The following NBAS variants were observed in gnomAD, a reference collection of about 807,000 sequenced individuals.
NBAS encodes NAG/BC035112 fusion.
A neutral mutation model predicts 302.5 loss-of-function variants in NBAS; 219 were observed. The observed-to-expected ratio is 0.72, with a 90% CI of 0.65 to 0.81. The LOEUF is 0.81. Ranked by LOEUF, NBAS falls within the 30% of genes least tolerant of loss-of-function variation. The pLI, the probability that NBAS is intolerant of heterozygous loss-of-function variation, is 0.00. For missense variants in NBAS, 2,932 were observed against 2,841.6 expected (o/e 1.03, Z -0.72); for synonymous variants, 1,118 against 1,021.6 (o/e 1.09, Z -1.80).
At chr2:15,056,584 T>C in the NBAS span, among the ~76,000 whole-genome samples, 1 of 152,200 alleles carries the variant, frequency 6.6e-6, no homozygotes, top group African/African-American at 2.4e-5. Flanking sequence ...GAAAATGCTA[T>C]GCACACATGA....
intron 42 of NBAS, 52 bp from the exon 43 acceptor site, chr2:15,277,153 G>A: frequency 1.3e-6 from 2 of 1,538,988 alleles, no homozygotes; most frequent in Non-Finnish European, 1.7e-6. Flanking sequence ...CTTTATTAAA[G>A]TGATTTTTTT....
At chr2:15,026,708 C>A in the NBAS span, among the ~76,000 whole-genome samples, 1 of 151,934 alleles carries the variant, frequency 6.6e-6, no homozygotes, top group Non-Finnish European at 1.5e-5. Context: ...TTTGGGTTTG[C>A]AGTTTTAGTT....
chr2:15,458,526 T>TC (rs1679351264), intron 21 of NBAS, among the ~76,000 whole-genome samples: 1 of 152,100 alleles, frequency 6.6e-6, no homozygotes, highest in South Asian at 2.1e-4. Flanking sequence ...CTCTCTTGCT[T>TC]CCCTCTCACC....
At chr2:15,083,562 C>T in the NBAS span, among the ~76,000 whole-genome samples, 1 of 152,112 alleles carries the variant, frequency 6.6e-6, no homozygotes, top group South Asian at 2.1e-4. Context: ...ATTTTTATTC[C>T]ATCTCAGAAT....
the NBAS span, among the ~76,000 whole-genome samples, chr2:14,864,807 G>A: frequency 6.6e-6 from 1 of 152,060 alleles, no homozygotes; most frequent in African/African-American, 2.4e-5. Context: ...TATATTCCAG[G>A]GTTGATGAAA....
the NBAS span, among the ~76,000 whole-genome samples, chr2:15,137,706 C>T: frequency 6.6e-6 from 1 of 152,142 alleles, no homozygotes; most frequent in Non-Finnish European, 1.5e-5. Context: ...ATCATCTTTG[C>T]CCAGGGAAAT....
chr2:15,342,714 T>A (rs1159258114), intron 35 of NBAS, among the ~76,000 whole-genome samples: 5 of 152,174 alleles, frequency 3.3e-5, no homozygotes, highest in African/African-American at 7.2e-5. Context: ...TTTTATATTT[T>A]AAAAAAGCAG....
At chr2:14,788,312 C>G in the NBAS span, among the ~76,000 whole-genome samples, 2 of 152,228 alleles carry the variant, frequency 1.3e-5, no homozygotes, top group Non-Finnish European at 2.9e-5. Flanking sequence ...AAGCCTTCTT[C>G]TCTCAACTCG....
At chr2:14,913,894 A>G in the NBAS span, among the ~76,000 whole-genome samples, 1 of 152,184 alleles carries the variant, frequency 6.6e-6, no homozygotes, top group Non-Finnish European at 1.5e-5. Context: ...AGCCTTATGG[A>G]AATAGCCAGA....
chr2:15,148,417 T>C, the NBAS span, among the ~76,000 whole-genome samples: 2 of 152,076 alleles, frequency 1.3e-5, no homozygotes, highest in Non-Finnish European at 2.9e-5. Flanking sequence ...GTCTGGGATG[T>C]CAAGAAAAGC....
chr2:15,366,305 T>C (rs1674194800), intron 32 of NBAS, among the ~76,000 whole-genome samples: 1 of 152,206 alleles, frequency 6.6e-6, no homozygotes, highest in Non-Finnish European at 1.5e-5. Context: ...GTTTAAGTAA[T>C]AGATAGTTCC....
the NBAS span, among the ~76,000 whole-genome samples, chr2:14,900,323 A>G: frequency 6.6e-6 from 1 of 152,200 alleles, no homozygotes; most frequent in Admixed American, 6.5e-5. Flanking sequence ...CATGAATGAC[A>G]TATCAATTTT....
chr2:15,323,692 G>A (rs1279978989), intron 38 of NBAS, among the ~76,000 whole-genome samples: 1 of 151,804 alleles, frequency 6.6e-6, no homozygotes. Context: ...AAAATTAGCT[G>A]GGCATGGTGG....
the NBAS span, among the ~76,000 whole-genome samples, chr2:15,059,298 C>T: frequency 4.6e-5 from 7 of 152,248 alleles, no homozygotes; most frequent in African/African-American, 1.7e-4. Context: ...AAACCTTGTA[C>T]ATAACTGCTG....
the NBAS span, among the ~76,000 whole-genome samples, chr2:15,090,273 G>A: frequency 6.6e-6 from 1 of 152,170 alleles, no homozygotes; most frequent in East Asian, 1.9e-4. Context: ...CTCACCTAGA[G>A]ACAAGTCACT....
chr2:15,263,714 T>C (rs1668950083), intron 44 of NBAS, among the ~76,000 whole-genome samples: 3 of 152,138 alleles, frequency 2.0e-5, no homozygotes. Context: ...TCAGCTCAAA[T>C]ACCTTTTATA....
intron 46 of NBAS, among the ~76,000 whole-genome samples, chr2:15,233,281 C>G (rs886299846): frequency 2.0e-5 from 3 of 152,146 alleles, no homozygotes; most frequent in Non-Finnish European, 4.4e-5. Context: ...TATTGAATGT[C>G]TTCTGTGTGC....
chr2:14,996,573 G>A, the NBAS span, among the ~76,000 whole-genome samples: 1 of 152,152 alleles, frequency 6.6e-6, no homozygotes, highest in South Asian at 2.1e-4. Flanking sequence ...TAATTGCTCT[G>A]GGCTGTCGGA....
the NBAS span, among the ~76,000 whole-genome samples, chr2:14,796,145 G>A: frequency 6.6e-6 from 1 of 152,162 alleles, no homozygotes; most frequent in African/African-American, 2.4e-5. Context: ...ATTTGTTGAT[G>A]AGGAACTGAC....
Sources: gnomAD v4.1 joint callset for allele counts (sites outside exome capture counted in the v4.1 genomes callset) on GRCh38, gnomAD v4.1.1 for gene constraint, MANE v1.5 for transcripts, NCBI Gene and HGNC (gene_info 2026-07-23, HGNC 2026-07-21) for gene names.